The following BCAR3 variants were observed in gnomAD, a reference collection of about 807,000 sequenced individuals.
BCAR3 encodes the protein breast cancer anti-estrogen resistance protein 3.
Under a neutral mutation model 80.1 loss-of-function variants are expected in BCAR3, and 37 were observed. That is an observed-to-expected ratio of 0.46 (90% CI 0.36 to 0.61). The LOEUF is 0.61. BCAR3 is among the 20% of genes least tolerant of loss of function. The pLI is 0.00. For missense variants in BCAR3, 978 were observed against 1,068.2 expected (o/e 0.92, Z 1.18); for synonymous variants, 389 against 418.9 (o/e 0.93, Z 0.87).
At position 93,642,329 on chromosome 1, in the gene BCAR3, A is replaced by G. The variant is rs150434867; in HGVS notation, c.332T>C (p.Leu111Pro). ...CTTCACATATTCCACAGTTGGGTCC[A>G]GAAGATGTGGATCCCTGAAAAGAGA... ...ETFTFRDPHL[L>P]DPTVEYVKFS... Residue 111 changes from leucine (L) to proline (P), a missense_variant, in exon 3 of 12, where the codon CTG (leucine) becomes CCG (proline). Leu to Pro is a moderately conservative substitution (Grantham distance 98). Coordinates refer to ENST00000260502, the MANE Select transcript of BCAR3 (RefSeq NM_003567.4). The G allele has an allele frequency of 8.4e-5, 136 of 1,613,646 alleles. No homozygotes were observed. The highest frequency in any genetic ancestry group is 1.1e-4 in the Non-Finnish European group (130 of 1,179,608).
intron 3 of BCAR3, among the ~76,000 whole-genome samples, chr1:93,705,697 C>CT (rs1172181190): frequency 6.6e-6 from 1 of 152,230 alleles, no homozygotes; most frequent in East Asian, 1.9e-4. Context: ...CTGTGGCTGC[C>CT]TTTCTTCACC....
At chr1:93,776,850 T>C (rs899506795) in intron 2 of BCAR3, among the ~76,000 whole-genome samples, 1 of 152,194 alleles carries the variant, frequency 6.6e-6, no homozygotes, top group Non-Finnish European at 1.5e-5. Context: ...TTGATGATTA[T>C]TACGGGTTGA....
intron 3 of BCAR3, among the ~76,000 whole-genome samples, chr1:93,705,867 C>G (rs568923325): frequency 1.3e-5 from 2 of 151,714 alleles, no homozygotes; most frequent in South Asian, 4.1e-4. Context: ...AAGGAGGTGG[C>G]TGAAGCCAAA....
intron 3 of BCAR3, among the ~76,000 whole-genome samples, chr1:93,608,113 T>A (rs1570964196): frequency 6.6e-6 from 1 of 152,298 alleles, no homozygotes; most frequent in Middle Eastern, 3.4e-3. Flanking sequence ...AGCACACACA[T>A]ATCTAGAGTA....
At chr1:93,594,377 A>G (rs1164343558) in intron 3 of BCAR3, 2 of 152,140 alleles carry the variant, frequency 1.3e-5, no homozygotes, top group Admixed American at 6.5e-5. Flanking sequence ...TTCCAGGGAG[A>G]TGTGGCCACA....
At chr1:93,581,034 C>T (rs766057024) in intron 7 of BCAR3, among the ~76,000 whole-genome samples, 33 of 152,160 alleles carry the variant, frequency 2.2e-4, no homozygotes, top group Non-Finnish European at 4.0e-4. Flanking sequence ...TGGTGGCATG[C>T]GCCTGTGGTC....
chr1:93,774,001 T>C (rs1652448041), intron 2 of BCAR3, among the ~76,000 whole-genome samples: 1 of 152,118 alleles, frequency 6.6e-6, no homozygotes, highest in South Asian at 2.1e-4. Flanking sequence ...AACAACAAAG[T>C]TGTCAGATGA....
chr1:93,625,272 G>A (rs552943432), intron 3 of BCAR3, among the ~76,000 whole-genome samples: 6 of 152,308 alleles, frequency 3.9e-5, no homozygotes, highest in African/African-American at 1.4e-4. Flanking sequence ...CAAACTGGGA[G>A]AGGCTTCCAG....
intron 3 of BCAR3, among the ~76,000 whole-genome samples, chr1:93,605,763 T>C (rs1674754648): frequency 6.6e-6 from 1 of 152,222 alleles, no homozygotes; most frequent in African/African-American, 2.4e-5. Context: ...TCAAATACTC[T>C]CATTTCCTAA....
At chr1:93,687,034 G>A (rs962206628) in intron 3 of BCAR3, among the ~76,000 whole-genome samples, 5 of 152,082 alleles carry the variant, frequency 3.3e-5, no homozygotes, top group African/African-American at 4.8e-5. Context: ...ATTCATTTCC[G>A]TTATTGCTGT....
chr1:93,831,816 C>T (rs1198556678), intron 2 of BCAR3, among the ~76,000 whole-genome samples: 4 of 152,148 alleles, frequency 2.6e-5, no homozygotes, highest in Non-Finnish European at 5.9e-5. Flanking sequence ...CTGTTTCTTT[C>T]CGCAACTAGC....
At chr1:93,776,529 T>C (rs1158583788) in intron 2 of BCAR3, among the ~76,000 whole-genome samples, 4 of 152,216 alleles carry the variant, frequency 2.6e-5, no homozygotes, top group Admixed American at 6.5e-5. Flanking sequence ...AAAATCTATA[T>C]ATTGTATTTG....
chr1:93,597,275 A>T (rs925466167), intron 3 of BCAR3, among the ~76,000 whole-genome samples: 24 of 152,248 alleles, frequency 1.6e-4, no homozygotes, highest in Admixed American at 1.4e-3. Flanking sequence ...AGGTAAAGTG[A>T]CAAACAGGGC....
chr1:93,663,040 C>A (rs1647737104), intron 2 of BCAR3, among the ~76,000 whole-genome samples: 1 of 152,160 alleles, frequency 6.6e-6, no homozygotes, highest in South Asian at 2.1e-4. Context: ...TTCACCTTAT[C>A]GGGTGGCATT....
intron 2 of BCAR3, among the ~76,000 whole-genome samples, chr1:93,754,588 T>A (rs2100715523): frequency 6.6e-6 from 1 of 152,290 alleles, no homozygotes; most frequent in South Asian, 2.1e-4. Flanking sequence ...ATGACAGTGG[T>A]CCCATAAGAT....
intron 2 of BCAR3, among the ~76,000 whole-genome samples, chr1:93,710,727 C>T (rs1649991569): frequency 6.6e-6 from 1 of 152,244 alleles, no homozygotes; most frequent in African/African-American, 2.4e-5. Context: ...CATCCCCTCC[C>T]CCTGCTTTAT....
intron 2 of BCAR3, among the ~76,000 whole-genome samples, chr1:93,653,439 T>A (rs965534140): frequency 3.9e-5 from 6 of 152,104 alleles, no homozygotes; most frequent in African/African-American, 1.4e-4. Flanking sequence ...TATTGTATAT[T>A]TTTTTATATA....
chr1:93,679,151 C>T (rs1648633930), intron 1 of BCAR3, among the ~76,000 whole-genome samples: 1 of 152,186 alleles, frequency 6.6e-6, no homozygotes, highest in Non-Finnish European at 1.5e-5. Flanking sequence ...AATGACTTAA[C>T]AGCTATTTCA....
At chr1:93,803,150 T>A (rs900998928) in intron 2 of BCAR3, among the ~76,000 whole-genome samples, 3 of 152,124 alleles carry the variant, frequency 2.0e-5, no homozygotes, top group African/African-American at 7.2e-5. Context: ...CCAAATTACA[T>A]GCCATGAGGG....
Sources: allele counts gnomAD v4.1 joint callset (sites outside exome capture counted in the v4.1 genomes callset), GRCh38; gene constraint gnomAD v4.1.1; transcripts MANE v1.5; gene names NCBI Gene and HGNC (gene_info 2026-07-23, HGNC 2026-07-21).